The following CPED1 variants were observed in gnomAD, a reference collection of about 807,000 sequenced individuals.
CPED1 encodes the protein cadherin-like and PC-esterase domain-containing protein 1.
Under a neutral mutation model 128.2 loss-of-function variants are expected in CPED1, and 114 were observed. That is an observed-to-expected ratio of 0.89 (90% CI 0.76 to 1.04). The LOEUF is 1.04. CPED1 is among the 50% of genes least tolerant of loss of function. CPED1 has a pLI of 0.00. For synonymous variants in CPED1, 462 were observed against 426.7 expected (o/e 1.08, Z -1.02); for missense variants, 1,211 against 1,207.1 (o/e 1.00, Z -0.05).
intron 16 of CPED1, among the ~76,000 whole-genome samples, chr7:121,236,389 C>T (rs539906455): frequency 3.9e-4 from 60 of 152,200 alleles, no homozygotes; most frequent in Admixed American, 2.1e-3. Context: ...CTCACATGAA[C>T]CGTCTTTTCC....
In CPED1 at chr7:121,046,938, A is replaced by T. The variant is rs781375442; in HGVS notation, c.485A>T (p.Glu162Val). 6 of 1,613,044 alleles carry T rather than the reference A, an allele frequency of 3.7e-6. No individual in the cohort carries two copies. The Admixed American group carries it at 1.0e-4, about 27-fold the overall frequency. Residue 162 changes from glutamate (E) to valine (V), a missense_variant, in exon 4 of 23, where the codon GAA becomes GTA. Glu to Val is a moderately radical substitution (Grantham distance 121, BLOSUM62 -2). Coordinates refer to ENST00000310396, the MANE Select transcript of CPED1 (RefSeq NM_024913.5). ...ATTTGCCTGTCTTCTAAGAAAGCAG[A>T]AGGAACACCCTGTATATCCAAGGAA... ...LLICLSSKKA[E>V]GTPCISKEVM...
chr7:121,197,974 G>A lies in CPED1; in HGVS notation c.2056-38740G>A, dbSNP rs552758422. 3.9e-5 allele frequency among the ~76,000 whole-genome samples: 6 copies of A among 152,212 alleles called. No homozygotes were observed. In the East Asian group the frequency reaches 5.8e-4, roughly 15 times the overall value. On this transcript the variant is annotated intron_variant, in intron 16 of 22. Transcript: ENST00000310396. ...TTTTGTTTAATGCCAATGGTAAATCGTTGATTTTTAAAAATATTGGGGAGA... is the reference window on the plus strand; with the variant it reads ...TTTTGTTTAATGCCAATGGTAAATCATTGATTTTTAAAAATATTGGGGAGA...
At chr7:121,189,657 AAAT>A (rs1392567899) in intron 16 of CPED1, among the ~76,000 whole-genome samples, 3 of 151,138 alleles carry the variant, frequency 2.0e-5, no homozygotes, top group African/African-American at 7.3e-5. Context: ...AATTTATGAA[AAAT>A]AATGAGTTTG....
At chr7:121,196,647 T>A (rs753305839) in intron 16 of CPED1, among the ~76,000 whole-genome samples, 4 of 152,140 alleles carry the variant, frequency 2.6e-5, no homozygotes, top group Non-Finnish European at 4.4e-5. Flanking sequence ...GACATACTTA[T>A]AAGACAGCAG....
chr7:121,101,112 A>G (rs192219248), intron 7 of CPED1, among the ~76,000 whole-genome samples: 3 of 152,180 alleles, frequency 2.0e-5, no homozygotes, highest in Non-Finnish European at 2.9e-5. Context: ...AGACTTTTCA[A>G]TATCTCTATC....
chr7:121,067,065 G>C (rs548686402), intron 5 of CPED1, among the ~76,000 whole-genome samples: 94 of 152,064 alleles, frequency 6.2e-4, no homozygotes, highest in Non-Finnish European at 1.1e-3. Flanking sequence ...GGGGGCACAG[G>C]GGGTGGGGTG....
At chr7:121,194,931 GCTA>G (rs1207241974) in intron 16 of CPED1, 1 of 151,980 alleles carries the variant, frequency 6.6e-6, no homozygotes, top group Non-Finnish European at 1.5e-5. Context: ...ACCATGCCAG[GCTA>G]AATTTTCTGT....
chr7:121,247,481 G>C (rs977304782), intron 18 of CPED1, among the ~76,000 whole-genome samples: 4 of 152,198 alleles, frequency 2.6e-5, no homozygotes, highest in Non-Finnish European at 5.9e-5. Flanking sequence ...CAGATCTTTG[G>C]AGAGAAAACG....
chr7:121,127,777 G>A (rs528964263), intron 10 of CPED1, among the ~76,000 whole-genome samples: 64 of 151,900 alleles, frequency 4.2e-4, no homozygotes, highest in African/African-American at 1.1e-3. Flanking sequence ...CTCGTGATCC[G>A]CCTGCCTCGG....
chr7:121,194,392 G>A (rs1797223240), intron 16 of CPED1, among the ~76,000 whole-genome samples: 1 of 151,896 alleles, frequency 6.6e-6, no homozygotes, highest in Admixed American at 6.6e-5. Context: ...ACTGTTCATG[G>A]CACTACCTGG....
intron 2 of CPED1, among the ~76,000 whole-genome samples, chr7:121,013,570 CAGGCATGGTCCTGAGCACTTTACAAGTA>C (rs1270880596): frequency 6.6e-6 from 1 of 152,206 alleles, no homozygotes; most frequent in Non-Finnish European, 1.5e-5. Context: ...TCCTACATAG[CAGGCATGGTCCTGAGCACTTTACAAGTA>C]TTAACTGTCT....
At position 120,989,883 on chromosome 7, in the gene CPED1, T is replaced by C; in HGVS notation, c.249+13T>C. Reference sequence around the variant, plus strand: ...GGAAACCAGAAAGGTAAGACTCTCATAAGCTTAACGGAGACAGTTTCTGCA... The same window carrying C: ...GGAAACCAGAAAGGTAAGACTCTCACAAGCTTAACGGAGACAGTTTCTGCA... On this transcript the variant is annotated intron_variant, in intron 2 of 22. Coordinates refer to ENST00000310396, the MANE Select transcript of CPED1 (RefSeq NM_024913.5). The C allele has an allele frequency of 6.2e-7, 1 of 1,613,810 alleles. No homozygotes were observed. The highest frequency in any genetic ancestry group is 1.3e-5 in the African/African-American group (1 of 75,026).
intron 16 of CPED1, among the ~76,000 whole-genome samples, chr7:121,173,565 T>A (rs536831240): frequency 6.6e-6 from 1 of 152,140 alleles, no homozygotes; most frequent in Admixed American, 6.6e-5. Flanking sequence ...AAAGATATGA[T>A]CTCATTCTTT....
chr7:121,256,113 A>G (rs1791856701), intron 18 of CPED1, among the ~76,000 whole-genome samples: 1 of 70,702 alleles, frequency 1.4e-5, no homozygotes, highest in Non-Finnish European at 3.7e-5. Flanking sequence ...ATCCTAAGCA[A>G]AAAAAAAAAA....
At chr7:121,287,344 A>G (rs1360064040) in intron 22 of CPED1, among the ~76,000 whole-genome samples, 1 of 150,250 alleles carries the variant, frequency 6.7e-6, no homozygotes, top group Non-Finnish European at 1.5e-5. Context: ...GAGAAGCAAC[A>G]TTTTAATTTT....
At chr7:121,167,167 T>A (rs1422091046) in intron 16 of CPED1, among the ~76,000 whole-genome samples, 2 of 152,200 alleles carry the variant, frequency 1.3e-5, no homozygotes, top group Non-Finnish European at 2.9e-5. Context: ...AAATGTAATT[T>A]AGATGATTAT....
chr7:121,284,453 T>C (rs1016727100), intron 22 of CPED1, among the ~76,000 whole-genome samples: 9 of 152,114 alleles, frequency 5.9e-5, no homozygotes, highest in African/African-American at 2.2e-4. Context: ...AATTCCAGCA[T>C]TAACCCAAAA....
chr7:121,078,498 GAAAAAAAAAAAAAAAA>G (rs529856618), intron 5 of CPED1, among the ~76,000 whole-genome samples: 1 of 101,882 alleles, frequency 9.8e-6, no homozygotes, highest in African/African-American at 4.3e-5. Context: ...AAGAAAGAAA[GAAAAAAAAAAAAAAAA>G]AAAAAAAAAA....
At chr7:121,230,518 CA>C (rs1427561100) in intron 16 of CPED1, among the ~76,000 whole-genome samples, 2 of 152,014 alleles carry the variant, frequency 1.3e-5, no homozygotes, top group Non-Finnish European at 2.9e-5. Context: ...AGAACATCAG[CA>C]CATATCAAAA....
Sources: gnomAD v4.1 joint callset for allele counts (sites outside exome capture counted in the v4.1 genomes callset) on GRCh38, gnomAD v4.1.1 for gene constraint, MANE v1.5 for transcripts, NCBI Gene and HGNC (gene_info 2026-07-23, HGNC 2026-07-21) for gene names.